Variants in MTMR3 observed in about 807,000 individuals in gnomAD.
MTMR3 encodes myotubularin related protein 3.
Under a neutral mutation model 132.4 loss-of-function variants are expected in MTMR3, and 32 were observed. The ratio of observed to expected loss-of-function variants is 0.24; its 90% CI spans 0.18 to 0.32. The LOEUF is 0.32. Among genes scored for constraint, MTMR3 ranks in the 10% least tolerant of loss-of-function variants. The pLI is 1.00. For synonymous variants in MTMR3, 556 were observed against 550.3 expected, an observed-to-expected ratio of 1.01 and a Z score of -0.14; for missense variants, 1,216 against 1,489.6, an observed-to-expected ratio of 0.82 and a Z score of 3.02.
intron 14 of MTMR3, chr22:30,015,508 C>CCCTG (rs2067564070): frequency 7.1e-6 from 1 of 141,628 alleles, no homozygotes; most frequent in East Asian, 2.1e-4. Context: ...CTCCCTCCCT[C>CCCTG]CCTCCTTCCC....
At chr22:29,899,408 GT>G (rs1831146971) in intron 1 of MTMR3, among the ~76,000 whole-genome samples, 1 of 152,146 alleles carries the variant, frequency 6.6e-6, no homozygotes, top group Non-Finnish European at 1.5e-5. Context: ...AGTAGAATAT[GT>G]TTATTCTGTA....
intron 7 of MTMR3, chr22:29,994,274 G>A (rs1045360896): frequency 3.1e-6 from 1 of 324,474 alleles, no homozygotes; most frequent in Non-Finnish European, 4.4e-6. Flanking sequence ...CCACCACTCA[G>A]CATGGAATCT....
At chr22:29,943,658 C>T (rs2065900063) in intron 1 of MTMR3, among the ~76,000 whole-genome samples, 1 of 152,042 alleles carries the variant, frequency 6.6e-6, no homozygotes, top group African/African-American at 2.4e-5. Flanking sequence ...TACTTTGAAT[C>T]TGTATCCTAT....
intron 2 of MTMR3, among the ~76,000 whole-genome samples, chr22:29,969,595 A>T (rs948011182): frequency 1.3e-5 from 2 of 151,532 alleles, no homozygotes; most frequent in South Asian, 2.1e-4. Context: ...CAATGGCGTG[A>T]TCTCGGCTCA....
intron 14 of MTMR3, chr22:30,013,774 T>A (rs563053304): frequency 3.4e-5 from 13 of 387,278 alleles, no homozygotes; most frequent in South Asian, 1.6e-4. Context: ...AGTTTTTTTT[T>A]AAAGGGATGG....
intron 2 of MTMR3, 38 bp downstream of exon 2, chr22:29,957,126 C>G (rs1439598990): frequency 6.6e-6 from 1 of 152,068 alleles, no homozygotes; most frequent in Non-Finnish European, 1.5e-5. Context: ...CCCCGCCCCC[C>G]TCCAATACTC....
chr22:29,885,120 G>T (rs1245128785), intron 1 of MTMR3, among the ~76,000 whole-genome samples: 1 of 152,092 alleles, frequency 6.6e-6, no homozygotes, highest in African/African-American at 2.4e-5. Context: ...GTTTAAGGCT[G>T]GTCATTAGAA....
intron 5 of MTMR3, chr22:29,983,906 G>A (rs1441092710): frequency 6.6e-6 from 1 of 151,646 alleles, no homozygotes; most frequent in East Asian, 1.9e-4. Flanking sequence ...CAAAGTGCTG[G>A]GATTACAGAT....
intron 2 of MTMR3, among the ~76,000 whole-genome samples, chr22:29,962,731 C>T (rs2145854549): frequency 6.6e-6 from 1 of 152,186 alleles, no homozygotes; most frequent in South Asian, 2.1e-4. Flanking sequence ...GTCGGTCTTT[C>T]CCAGCTCCTG....
chr22:29,956,199 G>T (rs1302669005), intron 1 of MTMR3, among the ~76,000 whole-genome samples: 1 of 152,294 alleles, frequency 6.6e-6, no homozygotes, highest in Admixed American at 6.5e-5. Flanking sequence ...TAGATGTTTT[G>T]TCTCTGTAAA....
At chr22:29,965,892 G>T (rs2051764) in intron 2 of MTMR3, among the ~76,000 whole-genome samples, 1 of 151,920 alleles carries the variant, frequency 6.6e-6, no homozygotes, top group Admixed American at 6.6e-5. Context: ...TCTGAAAGAC[G>T]TAACAGTGCA....
intron 1 of MTMR3, among the ~76,000 whole-genome samples, chr22:29,888,390 G>T (rs1413414807): frequency 6.6e-6 from 1 of 152,008 alleles, no homozygotes; most frequent in Non-Finnish European, 1.5e-5. Flanking sequence ...AAACTTTGTC[G>T]TCGTTGTTTG....
chr22:29,906,286 G>GTCTGTCTATCTATCTATCTATCTA (rs2065099481), intron 1 of MTMR3, among the ~76,000 whole-genome samples: 2 of 74,456 alleles, frequency 2.7e-5, no homozygotes, highest in African/African-American at 9.6e-5. Context: ...CTGTCTGTCT[G>GTCTGTCTATCTATCTATCTATCTA]TCTATCTATC....
At chr22:29,912,357 A>G (rs1227492008) in intron 1 of MTMR3, among the ~76,000 whole-genome samples, 1 of 152,188 alleles carries the variant, frequency 6.6e-6, no homozygotes, top group Non-Finnish European at 1.5e-5. Flanking sequence ...TGGCATGATC[A>G]TAGCACACTG....
At chr22:29,938,920 C>T (rs2065802870) in intron 1 of MTMR3, among the ~76,000 whole-genome samples, 1 of 152,030 alleles carries the variant, frequency 6.6e-6, no homozygotes, top group Non-Finnish European at 1.5e-5. Context: ...CTCCCGGGTT[C>T]AACCGATTCT....
chr22:29,912,704 A>G (rs1208062902), intron 1 of MTMR3, among the ~76,000 whole-genome samples: 1 of 152,208 alleles, frequency 6.6e-6, no homozygotes, highest in Non-Finnish European at 1.5e-5. Context: ...TAAAAGATTC[A>G]GAATTGGAAG....
intron 1 of MTMR3, among the ~76,000 whole-genome samples, chr22:29,922,797 G>A (rs981426400): frequency 1.3e-5 from 2 of 151,744 alleles, no homozygotes; most frequent in African/African-American, 4.8e-5. Context: ...ACACAACCCA[G>A]CCAGCACTTA....
At chr22:29,919,047 ATTTC>A (rs1160272848) in intron 1 of MTMR3, among the ~76,000 whole-genome samples, 2 of 152,112 alleles carry the variant, frequency 1.3e-5, no homozygotes, top group African/African-American at 4.8e-5. Flanking sequence ...ACCCCAGCCT[ATTTC>A]TTATTCTCCC....
At chr22:29,969,010 C>T (rs2066481823) in intron 2 of MTMR3, among the ~76,000 whole-genome samples, 1 of 152,188 alleles carries the variant, frequency 6.6e-6, no homozygotes, top group Non-Finnish European at 1.5e-5. Context: ...CTTGCTCCTG[C>T]ATTTGGCTTT....
Sources: allele counts gnomAD v4.1 joint callset (sites outside exome capture counted in the v4.1 genomes callset), GRCh38; gene constraint gnomAD v4.1.1; transcripts MANE v1.5; gene names NCBI Gene and HGNC (gene_info 2026-07-23, HGNC 2026-07-21).